SYNPR: variants seen among roughly 807,000 people sequenced by gnomAD.
The protein encoded by SYNPR is synaptoporin.
A neutral mutation model predicts 32.9 loss-of-function variants in SYNPR; 23 were observed. The observed-to-expected ratio is 0.70, with a 90% CI of 0.50 to 0.99. The LOEUF (loss-of-function observed/expected upper bound fraction) is 0.99, where lower values mean the gene tolerates loss of function less well. SYNPR is among the 50% of genes least tolerant of loss of function. The pLI is 0.00. For synonymous variants in SYNPR, 146 were observed against 135.9 expected (o/e 1.07, Z -0.52); for missense variants, 318 against 349.3 (o/e 0.91, Z 0.71).
At position 63,392,880 on chromosome 3, in the gene SYNPR, A is replaced by G. The variant is rs565324734; in HGVS notation, c.85-87952A>G. On this transcript the variant is annotated intron_variant, in intron 2 of 5. Coordinates refer to ENST00000478300, the MANE Select transcript of SYNPR (RefSeq NM_001130003.2). ...CAAAGGTAAATCTCTAGTTTTCTCAATTCATGCCCTGATTCCCACCTGCCT... is the reference window on the plus strand; with the variant it reads ...CAAAGGTAAATCTCTAGTTTTCTCAGTTCATGCCCTGATTCCCACCTGCCT... 1.2e-4 allele frequency among the ~76,000 whole-genome samples: 18 copies of G among 152,306 alleles called. No individual in the cohort carries two copies. The South Asian group carries it at 3.3e-3, about 28-fold the overall frequency.
intron 2 of SYNPR, among the ~76,000 whole-genome samples, chr3:63,416,456 C>CGGGACG (rs1560224175): frequency 6.8e-6 from 1 of 147,808 alleles, no homozygotes; most frequent in East Asian, 2.0e-4. Context: ...TGCTTGAACC[C>CGGGACG]GGGACGTGGA....
chr3:63,514,956 T>G (rs937698027), intron 3 of SYNPR, among the ~76,000 whole-genome samples: 5 of 152,128 alleles, frequency 3.3e-5, no homozygotes, highest in Admixed American at 2.6e-4. Flanking sequence ...ATAAATGTTG[T>G]CAGTAATCCT....
upstream of SYNPR, among the ~76,000 whole-genome samples, chr3:63,228,014 A>G (rs915789777): frequency 1.3e-5 from 2 of 152,148 alleles, no homozygotes; most frequent in Non-Finnish European, 2.9e-5. Flanking sequence ...TTTTATTTTA[A>G]ATGCAATGAA....
At position 63,556,679 on chromosome 3, in the gene SYNPR, G is replaced by A; in HGVS notation, c.346G>A (p.Ala116Thr). ...CTTCGCCTTCCTCTACTCTTTGGCTGCCACTGTCGTTTACATTTTCTTCCA... is the reference window on the plus strand; with the variant it reads ...CTTCGCCTTCCTCTACTCTTTGGCTACCACTGTCGTTTACATTTTCTTCCA... Reference protein sequence around the residue: ...AVFAFLYSLAATVVYIFFQNK... With the variant: ...AVFAFLYSLATTVVYIFFQNK... The change falls in exon 4 of 6, where the codon GCC becomes ACC. Residue 116 changes from alanine to threonine, a missense_variant. Ala to Thr is a moderately conservative substitution (Grantham distance 58, BLOSUM62 0). Transcript: ENST00000478300. 6.2e-7 allele frequency: 1 copy of A among 1,613,808 alleles called. No individual in the cohort carries two copies.
chr3:63,384,339 C>T (rs769004669), intron 2 of SYNPR, among the ~76,000 whole-genome samples: 1 of 152,070 alleles, frequency 6.6e-6, no homozygotes, highest in Admixed American at 6.6e-5. Context: ...TAATATATAT[C>T]CTCCACGAAT....
rs528050005 is a variant in SYNPR at position 63,448,993 on chromosome 3, G to A, written c.85-31839G>A. On this transcript the variant is annotated intron_variant, in intron 2 of 5. Coordinates refer to ENST00000478300, the MANE Select transcript of SYNPR (RefSeq NM_001130003.2). ...GTCTGCTGAAATGGAGTGGTAGGAA[G>A]CAGGGAGCTGGAAAAGATTTTGTAG... 3.3e-5 allele frequency among the ~76,000 whole-genome samples: 5 copies of A among 152,336 alleles called. No homozygotes were observed. In the East Asian group the frequency reaches 7.7e-4, roughly 24 times the overall value.
At chr3:63,313,692 T>TATATATATATCC (rs796749972) in intron 2 of SYNPR, among the ~76,000 whole-genome samples, 1,841 of 67,176 alleles carry the variant, frequency 0.027, 520 homozygotes, top group Admixed American at 0.042. Flanking sequence ...TATATATCCA[T>TATATATATATCC]ATATATATAT....
At chr3:63,317,410 A>C (rs62253883) in intron 2 of SYNPR, among the ~76,000 whole-genome samples, 19,296 of 151,488 alleles carry the variant, frequency 0.13, 1,330 homozygotes, top group Non-Finnish European at 0.16. Flanking sequence ...TAAAGTTGGG[A>C]GCTCCAGTGT....
intron 3 of SYNPR, among the ~76,000 whole-genome samples, chr3:63,544,333 T>C (rs941839586): frequency 2.0e-5 from 3 of 152,140 alleles, no homozygotes; most frequent in Non-Finnish European, 1.5e-5. Context: ...TGTTTTCTTG[T>C]GTCTTAGACA....
chr3:63,369,523 T>C (rs1250112252), intron 2 of SYNPR, among the ~76,000 whole-genome samples: 1 of 152,240 alleles, frequency 6.6e-6, no homozygotes, highest in African/African-American at 2.4e-5. Context: ...TGATATTTCT[T>C]TATCTTTTAC....
Position 63,408,269 on chromosome 3 carries a change from GAA to G in SYNPR, c.85-72561_85-72560del, listed in dbSNP as rs749223720. The stretch of plus-strand genomic sequence containing the variant: ...AGAAAGAAAGAAAGAAAGAAAGAAA[GAA>G]AGAAAGAGGAAGGAAGGAAGGAAGG... On this transcript the variant is annotated intron_variant, in intron 2 of 5. Coordinates refer to ENST00000478300, the MANE Select transcript of SYNPR (RefSeq NM_001130003.2). Among the ~76,000 whole-genome samples the G allele has an allele frequency of 5.9e-4, 66 of 112,118 alleles. 1 individual carries two copies. Among genetic ancestry groups the G allele is most frequent in the Non-Finnish European group, 9.3e-4 (52 of 56,120 alleles). 73.6% of individuals were successfully genotyped at this position (112,118 alleles called of 152,430 possible). A position where few individuals can be genotyped will look rare whatever the true frequency, so the allele number is the denominator to read the frequency against.
chr3:63,294,379 T>C (rs9850296), intron 2 of SYNPR, among the ~76,000 whole-genome samples: 2,207 of 152,332 alleles, frequency 0.014, 40 homozygotes, highest in African/African-American at 0.049. Flanking sequence ...GAAATCTTGA[T>C]TGACTTTGTA....
chr3:63,597,505 C>T (rs1699978893), intron 4 of SYNPR, among the ~76,000 whole-genome samples: 1 of 152,244 alleles, frequency 6.6e-6, no homozygotes, highest in Non-Finnish European at 1.5e-5. Flanking sequence ...CCAACTGAGA[C>T]TTTACTAGTC....
intron 2 of SYNPR, among the ~76,000 whole-genome samples, chr3:63,439,411 C>T (rs929950822): frequency 6.6e-6 from 1 of 152,150 alleles, no homozygotes; most frequent in Non-Finnish European, 1.5e-5. Context: ...TGGCATATCA[C>T]TTTATTTTTG....
chr3:63,265,261 T>C (rs1268976371), intron 2 of SYNPR, among the ~76,000 whole-genome samples: 5 of 90,530 alleles, frequency 5.5e-5, no homozygotes, highest in African/African-American at 1.9e-4. Context: ...TTTTTTTTTT[T>C]TTTTTTCTGA....
chr3:63,265,531 C>T (rs546308928), intron 2 of SYNPR, among the ~76,000 whole-genome samples: 3 of 152,218 alleles, frequency 2.0e-5, no homozygotes, highest in African/African-American at 4.8e-5. Flanking sequence ...GGATTACAGG[C>T]GTGAGCCACT....
chr3:63,510,577 A>G (rs1456360412), intron 3 of SYNPR, among the ~76,000 whole-genome samples: 1 of 152,184 alleles, frequency 6.6e-6, no homozygotes, highest in Non-Finnish European at 1.5e-5. Context: ...TTTTGACATG[A>G]GGCCATAAAG....
chr3:63,463,828 T>C (rs889823709), intron 2 of SYNPR, among the ~76,000 whole-genome samples: 4 of 152,188 alleles, frequency 2.6e-5, no homozygotes, highest in Non-Finnish European at 5.9e-5. Context: ...GTTCATCTTA[T>C]TCCAACTTCC....
At chr3:63,255,278 A>C (rs970235554) in intron 2 of SYNPR, among the ~76,000 whole-genome samples, 3 of 152,040 alleles carry the variant, frequency 2.0e-5, no homozygotes, top group African/African-American at 7.2e-5. Flanking sequence ...CTGTCAAAAA[A>C]CTTGAAAATT....
Sources: gnomAD v4.1 joint callset for allele counts (sites outside exome capture counted in the v4.1 genomes callset) on GRCh38, gnomAD v4.1.1 for gene constraint, MANE v1.5 for transcripts, NCBI Gene and HGNC (gene_info 2026-07-23, HGNC 2026-07-21) for gene names.